The following ADARB2 variants were observed in gnomAD, a reference collection of about 807,000 sequenced individuals.
ADARB2 encodes the protein inactive double-stranded RNA-specific editase B2.
A neutral mutation model predicts 62.2 loss-of-function variants in ADARB2; 25 were observed. The observed-to-expected ratio is 0.40, with a 90% confidence interval of 0.29 to 0.56. The LOEUF (loss-of-function observed/expected upper bound fraction) is 0.56, where lower values mean the gene tolerates loss of function less well. Ranked by LOEUF, ADARB2 falls within the 20% of genes least tolerant of loss-of-function variation. The pLI is 0.43. For missense variants in ADARB2, 1,071 were observed against 1,077.4 expected (o/e 0.99, Z 0.08); for synonymous variants, 572 against 500.8 (o/e 1.14, Z -1.90).
chr10:1,233,698 TGTG>T lies in ADARB2; in HGVS notation c.1506_1508del (p.Thr503del). 1 of 1,612,674 alleles carries T rather than the reference TGTG, an allele frequency of 6.2e-7. No homozygotes were observed. Among genetic ancestry groups the T allele is most frequent in the Non-Finnish European group, 8.5e-7 (1 of 1,179,324 alleles). On this transcript the variant is annotated inframe_deletion, in exon 6 of 10. Coordinates refer to ENST00000381312, the MANE Select transcript of ADARB2 (RefSeq NM_018702.4). ...GGTAAAAGCATGGTCTCTTACGGTC[TGTG>T]GTGATCTCGTAGGGAGAGTGGAGTC...
At chr10:1,412,765 G>C (rs891043723) in intron 1 of ADARB2, among the ~76,000 whole-genome samples, 1 of 152,214 alleles carries the variant, frequency 6.6e-6, no homozygotes, top group South Asian at 2.1e-4. Flanking sequence ...TCATCCTCCC[G>C]CACCACCTGT....
At chr10:1,633,638 CATCT>C (rs1295285193) in intron 1 of ADARB2, among the ~76,000 whole-genome samples, 1 of 115,224 alleles carries the variant, frequency 8.7e-6, no homozygotes. Flanking sequence ...TCTATCCATC[CATCT>C]ATCATACTGG....
intron 8 of ADARB2, among the ~76,000 whole-genome samples, chr10:1,194,158 G>A (rs763388883): frequency 4.6e-5 from 7 of 152,222 alleles, no homozygotes; most frequent in Non-Finnish European, 7.4e-5. Context: ...GATTAACTGC[G>A]AGATTAACCA....
chr10:1,622,269 TA>T lies in ADARB2; in HGVS notation c.100+114781del, dbSNP rs528635798. Among the ~76,000 whole-genome samples the T allele has an allele frequency of 1.8e-3, 269 of 152,312 alleles. 3 individuals carry two copies. Among genetic ancestry groups the T allele is most frequent in the African/African-American group, 6.3e-3 (262 of 41,576 alleles). ...GAAGAAAACAGGAAAAAATCTTTAT[TA>T]GCTTGAATTTGGCAAATAATTCTTA... On this transcript the variant is annotated intron_variant, in intron 1 of 9. Coordinates refer to ENST00000381312, the MANE Select transcript of ADARB2 (RefSeq NM_018702.4).
At chr10:1,227,763 G>A (rs1328480771) in intron 6 of ADARB2, among the ~76,000 whole-genome samples, 1 of 152,176 alleles carries the variant, frequency 6.6e-6, no homozygotes, top group Non-Finnish European at 1.5e-5. Context: ...ACAGGCATGA[G>A]AAAAGAAGAA....
intron 1 of ADARB2, among the ~76,000 whole-genome samples, chr10:1,603,388 T>C (rs1305710228): frequency 6.6e-6 from 1 of 152,174 alleles, no homozygotes; most frequent in Non-Finnish European, 1.5e-5. Context: ...TAAGGACCTT[T>C]GCACCTCGAG....
intron 1 of ADARB2, among the ~76,000 whole-genome samples, chr10:1,485,839 A>G (rs1831534541): frequency 6.6e-6 from 1 of 152,348 alleles, no homozygotes; most frequent in East Asian, 1.9e-4. Context: ...TCAGACTTGC[A>G]ATGTGATTGT....
At chr10:1,542,951 C>T (rs1467199490) in intron 1 of ADARB2, among the ~76,000 whole-genome samples, 7 of 152,026 alleles carry the variant, frequency 4.6e-5, no homozygotes, top group Non-Finnish European at 8.8e-5. Flanking sequence ...CCCACTCAGA[C>T]GCAGTTGGGA....
At chr10:1,225,722 A>G (rs11597446) in intron 6 of ADARB2, among the ~76,000 whole-genome samples, 22,995 of 123,574 alleles carry the variant, frequency 0.19, 3,344 homozygotes, top group East Asian at 0.32. Context: ...TTTCTTTAAG[A>G]ATGTCGAATG....
intron 1 of ADARB2, among the ~76,000 whole-genome samples, chr10:1,411,995 C>A (rs1832763803): frequency 1.3e-5 from 2 of 152,206 alleles, no homozygotes; most frequent in South Asian, 4.1e-4. Flanking sequence ...CTGAGAGGAG[C>A]AGAGAGGCCT....
chr10:1,249,880 G>A (rs534773637), intron 4 of ADARB2, among the ~76,000 whole-genome samples: 51 of 151,904 alleles, frequency 3.4e-4, no homozygotes, highest in African/African-American at 8.4e-4. Flanking sequence ...TGGTGAAAGC[G>A]TTCCAAGTTA....
chr10:1,698,730 G>C lies in ADARB2; in HGVS notation c.100+38321C>G, dbSNP rs972029166. Among the ~76,000 whole-genome samples the C allele has an allele frequency of 5.3e-5, 8 of 151,378 alleles. 1 individual carries two copies. Among genetic ancestry groups the C allele is most frequent in the African/African-American group, 1.7e-4 (7 of 41,036 alleles). On this transcript the variant is annotated intron_variant, in intron 1 of 9. Coordinates refer to ENST00000381312, the MANE Select transcript of ADARB2 (RefSeq NM_018702.4). Reference sequence around the variant, plus strand: ...GTAATAAAAACAGTGAAGGTAGAAAGAGTTGAAGGGGCAAATGACTTTTAA... The same window carrying C: ...GTAATAAAAACAGTGAAGGTAGAAACAGTTGAAGGGGCAAATGACTTTTAA...
chr10:1,249,873 T>C (rs1214464636), intron 4 of ADARB2, among the ~76,000 whole-genome samples: 1 of 151,814 alleles, frequency 6.6e-6, no homozygotes, highest in African/African-American at 2.4e-5. Flanking sequence ...CTTAATATGG[T>C]GAAAGCGTTC....
chr10:1,473,344 T>C (rs1831351559), intron 1 of ADARB2, among the ~76,000 whole-genome samples: 2 of 152,196 alleles, frequency 1.3e-5, no homozygotes, highest in African/African-American at 4.8e-5. Flanking sequence ...AATTTGCTGC[T>C]GGGATGATTG....
intron 8 of ADARB2, among the ~76,000 whole-genome samples, chr10:1,185,863 G>A (rs866222074): frequency 6.6e-6 from 1 of 152,236 alleles, no homozygotes; most frequent in Admixed American, 6.5e-5. Context: ...CAGTGCAGAA[G>A]GGTGGATGAG....
chr10:1,377,360 G>T (rs1334632230), intron 2 of ADARB2, among the ~76,000 whole-genome samples: 22 of 145,758 alleles, frequency 1.5e-4, no homozygotes, highest in African/African-American at 4.9e-4. Context: ...GTGTGTTTGT[G>T]CTCCTGGGGT....
chr10:1,695,042 C>G (rs1834722027), intron 1 of ADARB2, among the ~76,000 whole-genome samples: 1 of 152,118 alleles, frequency 6.6e-6, no homozygotes, highest in African/African-American at 2.4e-5. Flanking sequence ...GTCATGGGCC[C>G]CCCGTGCCAG....
chr10:1,594,755 C>A (rs951369968), intron 1 of ADARB2, among the ~76,000 whole-genome samples: 2 of 152,222 alleles, frequency 1.3e-5, no homozygotes, highest in African/African-American at 2.4e-5. Context: ...GCTTAAAGAG[C>A]CTCCAGTTTT....
At chr10:1,343,780 C>A (rs1366189837) in intron 3 of ADARB2, among the ~76,000 whole-genome samples, 1 of 152,166 alleles carries the variant, frequency 6.6e-6, no homozygotes, top group Non-Finnish European at 1.5e-5. Context: ...GAAAAGAAAG[C>A]CAAATATCCA....
Sources: allele counts gnomAD v4.1 joint callset (sites outside exome capture counted in the v4.1 genomes callset), GRCh38; gene constraint gnomAD v4.1.1; transcripts MANE v1.5; gene names NCBI Gene and HGNC (gene_info 2026-07-23, HGNC 2026-07-21).